The following BABAM2 variants were observed in gnomAD, a reference collection of about 807,000 sequenced individuals.
BABAM2 encodes BRISC and BRCA1-A complex member 2.
BABAM2 carries 31 observed loss-of-function variants against 54.7 expected under a neutral mutation model. That is an observed-to-expected ratio of 0.57 (90% CI 0.43 to 0.77). The LOEUF is 0.77. Ranked by LOEUF, BABAM2 falls within the 30% of genes least tolerant of loss-of-function variation. The pLI is 0.00. For missense variants in BABAM2, 364 were observed against 455.8 expected (o/e 0.80, Z 1.83); for synonymous variants, 167 against 162.9 (o/e 1.03, Z -0.19).
At chr2:28,156,825 A>G (rs1474095979) in intron 7 of BABAM2, among the ~76,000 whole-genome samples, 1 of 152,184 alleles carries the variant, frequency 6.6e-6, no homozygotes, top group Non-Finnish European at 1.5e-5. Flanking sequence ...TTAAATGAAT[A>G]TACGTAGTCT....
intron 6 of BABAM2, among the ~76,000 whole-genome samples, chr2:28,109,580 T>TA (rs1251050910): frequency 1.3e-5 from 2 of 152,168 alleles, no homozygotes; most frequent in Non-Finnish European, 2.9e-5. Context: ...TTTTTACCTT[T>TA]AACATTTTCT....
At chr2:27,982,199 G>C (rs1262504506) in intron 3 of BABAM2, among the ~76,000 whole-genome samples, 7 of 151,868 alleles carry the variant, frequency 4.6e-5, no homozygotes, top group African/African-American at 7.3e-5. Context: ...TTTAAAATTG[G>C]GGTATTTGCC....
At chr2:28,240,646 G>A (rs1426466876) in intron 8 of BABAM2, among the ~76,000 whole-genome samples, 3 of 152,046 alleles carry the variant, frequency 2.0e-5, no homozygotes, top group Admixed American at 6.5e-5. Flanking sequence ...GAGGCAGGCT[G>A]ATCATCTGAA....
intron 6 of BABAM2, among the ~76,000 whole-genome samples, chr2:28,075,541 TCTC>T (rs1664577864): frequency 6.6e-6 from 1 of 151,564 alleles, no homozygotes; most frequent in African/African-American, 2.4e-5. Context: ...TCTCTCTCTC[TCTC>T]TCTTTCTCTG....
chr2:28,158,831 G>C (rs1432480657), intron 7 of BABAM2, among the ~76,000 whole-genome samples: 1 of 152,210 alleles, frequency 6.6e-6, no homozygotes, highest in African/African-American at 2.4e-5. Flanking sequence ...ATTGAAAAGA[G>C]ATTTTAAGTT....
chr2:27,951,540 A>C (rs13008539), intron 3 of BABAM2, among the ~76,000 whole-genome samples: 38,052 of 152,038 alleles, frequency 0.25, 5,676 homozygotes, highest in East Asian at 0.61. Flanking sequence ...CCCAGGATAT[A>C]GATTATTTTA....
rs149625795 is a variant in BABAM2, at chr2:28,187,188, A to G, written c.681-50014A>G. Among the ~76,000 whole-genome samples, 21 of 152,082 alleles carry G rather than the reference A, an allele frequency of 1.4e-4. No individual in the cohort carries two copies. The South Asian group carries it at 1.5e-3, about 11-fold the overall frequency. On this transcript the variant is annotated intron_variant, in intron 7 of 11. Transcript: ENST00000379624. ...CTATGGTATGTGAGTCTTGATTCCT[A>G]TTTTCTATCTCTCATGAGCACCTCT...
At chr2:28,145,851 C>G (rs1453572282) in intron 7 of BABAM2, among the ~76,000 whole-genome samples, 1 of 152,132 alleles carries the variant, frequency 6.6e-6, no homozygotes, top group Non-Finnish European at 1.5e-5. Context: ...TTGTGACTGA[C>G]TTCTTTTTTT....
intron 10 of BABAM2, among the ~76,000 whole-genome samples, chr2:28,295,831 G>C (rs997078165): frequency 6.6e-5 from 10 of 152,016 alleles, no homozygotes; most frequent in African/African-American, 2.4e-4. Context: ...AATCAGAAGA[G>C]GCGCGGTGGT....
At chr2:27,924,835 T>G (rs1411555512) in intron 2 of BABAM2, among the ~76,000 whole-genome samples, 1 of 152,194 alleles carries the variant, frequency 6.6e-6, no homozygotes, top group East Asian at 1.9e-4. Context: ...AAACTTGAGG[T>G]ACATGGCACT....
chr2:28,138,119 A>G (rs1258150529), intron 7 of BABAM2, among the ~76,000 whole-genome samples: 1 of 152,202 alleles, frequency 6.6e-6, no homozygotes, highest in Non-Finnish European at 1.5e-5. Flanking sequence ...ATTTATTCAC[A>G]AGTAGGAAAA....
chr2:28,288,436 G>A (rs755557913), intron 10 of BABAM2, among the ~76,000 whole-genome samples: 3 of 149,006 alleles, frequency 2.0e-5, no homozygotes, highest in Non-Finnish European at 3.0e-5. Flanking sequence ...AGCAATTCTC[G>A]TGCCTCAGCC....
At chr2:28,042,294 A>G (rs2148603908) in intron 5 of BABAM2, among the ~76,000 whole-genome samples, 1 of 152,344 alleles carries the variant, frequency 6.6e-6, no homozygotes, top group South Asian at 2.1e-4. Flanking sequence ...GTTGGGAGTC[A>G]TCAGCATATA....
chr2:28,180,433 A>AC (rs1211941454), intron 7 of BABAM2, among the ~76,000 whole-genome samples: 1 of 152,114 alleles, frequency 6.6e-6, no homozygotes, highest in East Asian at 1.9e-4. Context: ...ACGAAACTAG[A>AC]CCCCTATCTC....
intron 7 of BABAM2, among the ~76,000 whole-genome samples, chr2:28,210,665 G>C (rs1404601046): frequency 6.6e-6 from 1 of 152,154 alleles, no homozygotes; most frequent in African/African-American, 2.4e-5. Flanking sequence ...CAGGAGAAAG[G>C]AAAAGCGAGG....
chr2:28,306,196 G>A (rs1377063570), intron 11 of BABAM2, among the ~76,000 whole-genome samples: 1 of 152,130 alleles, frequency 6.6e-6, no homozygotes, highest in African/African-American at 2.4e-5. Flanking sequence ...TGTGTGTCCT[G>A]CAGTTTTGGG....
chr2:28,310,710 C>G (rs1205127943), intron 11 of BABAM2, among the ~76,000 whole-genome samples: 1 of 151,066 alleles, frequency 6.6e-6, no homozygotes, highest in East Asian at 2.0e-4. Flanking sequence ...ATGGTGAAAC[C>G]CTGTCTCTAC....
At chr2:28,065,189 G>T (rs942567741) in intron 6 of BABAM2, among the ~76,000 whole-genome samples, 2 of 152,104 alleles carry the variant, frequency 1.3e-5, no homozygotes, top group African/African-American at 2.4e-5. Flanking sequence ...ATCCTGACTT[G>T]TTCATAAGTG....
chr2:28,170,298 T>C (rs1317876044), intron 7 of BABAM2, among the ~76,000 whole-genome samples: 1 of 152,096 alleles, frequency 6.6e-6, no homozygotes, highest in Non-Finnish European at 1.5e-5. Flanking sequence ...ATAGTGGTTT[T>C]CTCTGGAGTG....
Sources: gnomAD v4.1 joint callset for allele counts (sites outside exome capture counted in the v4.1 genomes callset) on GRCh38, gnomAD v4.1.1 for gene constraint, MANE v1.5 for transcripts, NCBI Gene and HGNC (gene_info 2026-07-23, HGNC 2026-07-21) for gene names.